BNIP2: variants seen among roughly 807,000 people sequenced by gnomAD.
BNIP2 encodes the protein BCL2/adenovirus E1B 19 kDa protein-interacting protein 2.
Under a neutral mutation model 43.4 loss-of-function variants are expected in BNIP2, and 36 were observed. That is an observed-to-expected ratio of 0.83 (90% CI 0.64 to 1.10). The LOEUF (loss-of-function observed/expected upper bound fraction) is 1.10. BNIP2 is among the 50% of genes least tolerant of loss of function. The pLI is 0.00. For synonymous variants in BNIP2, 146 were observed against 121.0 expected (o/e 1.21, Z -1.35); for missense variants, 417 against 374.1 (o/e 1.11, Z -0.95).
At chr15:59,688,893 C>G in intron 1 of BNIP2, 1 of 1,475,830 alleles carries the variant, frequency 6.8e-7, no homozygotes, top group Non-Finnish European at 8.9e-7. Context: ...GGAAAAGCGA[C>G]GGGGTGGGGG....
chr15:59,677,514 C>T (rs1375944121), intron 5 of BNIP2, among the ~76,000 whole-genome samples: 1 of 152,158 alleles, frequency 6.6e-6, no homozygotes, highest in African/African-American at 2.4e-5. Context: ...ATAGTGTTTT[C>T]CTTGTAAGGT....
chr15:59,676,679 T>C (rs1893311662), intron 5 of BNIP2: 2 of 617,238 alleles, frequency 3.2e-6, no homozygotes, highest in Non-Finnish European at 2.8e-6. Context: ...AGAATTCTGA[T>C]ATTGCATGAA....
chr15:59,674,662 A>G (rs1411470761), intron 5 of BNIP2, among the ~76,000 whole-genome samples: 1 of 152,168 alleles, frequency 6.6e-6, no homozygotes, highest in African/African-American at 2.4e-5. Context: ...CTGAAAAAAA[A>G]TCAATCTGCT....
chr15:59,675,719 T>C (rs551157390), intron 5 of BNIP2, among the ~76,000 whole-genome samples: 48 of 152,240 alleles, frequency 3.2e-4, no homozygotes, highest in Non-Finnish European at 5.6e-4. Context: ...ACAACTCACA[T>C]GCACATAAAA....
Position 59,679,665 on chromosome 15 carries a change from C to T in BNIP2, c.222G>A (p.Leu74=), listed in dbSNP as rs771066758. 3 of 1,613,054 alleles carry T rather than the reference C, an allele frequency of 1.9e-6. No individual in the cohort carries two copies. Among genetic ancestry groups the T allele is most frequent in the Middle Eastern group, 1.7e-4 (1 of 6,058 alleles). Residue 74 remains leucine, a synonymous_variant, in exon 4 of 10, where the codon TTG becomes TTA. Coordinates refer to ENST00000607373, the MANE Select transcript of BNIP2 (RefSeq NM_004330.4). Reference sequence around the variant, plus strand: ...CTAAGTCAATCTCCCCACTTTCATCCAAATCATCTGACAATACAGAGCCAT... The same window carrying T: ...CTAAGTCAATCTCCCCACTTTCATCTAAATCATCTGACAATACAGAGCCAT... The part of the protein sequence containing the change: ...PSDGSVLSDD[L]DESGEIDLDG...
chr15:59,679,050 A>G (rs1893487010), intron 4 of BNIP2, among the ~76,000 whole-genome samples: 1 of 152,238 alleles, frequency 6.6e-6, no homozygotes, highest in South Asian at 2.1e-4. Context: ...GATGGAAAAA[A>G]ATATGTAAAA....
rs1347556504 is a variant in BNIP2, at chr15:59,688,918, T to C, written c.-58+217A>G. Reference sequence around the variant, plus strand: ...CGGGGTGGGGGGCCAAACTGCCAAATACAAACAGGACCCAAGCCAAGGGCG... The same window carrying C: ...CGGGGTGGGGGGCCAAACTGCCAAACACAAACAGGACCCAAGCCAAGGGCG... On this transcript the variant is annotated intron_variant, in intron 1 of 9. Coordinates refer to ENST00000607373, the MANE Select transcript of BNIP2 (RefSeq NM_004330.4). 4.1e-6 allele frequency: 6 copies of C among 1,461,920 alleles called. No homozygotes were observed. The Admixed American group carries it at 7.8e-5, about 19-fold the overall frequency. 90.6% of individuals were successfully genotyped at this position (1,461,920 alleles called of 1,614,324 possible). A position where few individuals can be genotyped will look rare whatever the true frequency, so the allele number is the denominator to read the frequency against.
At chr15:59,674,282 T>G (rs1453406343) in intron 5 of BNIP2, among the ~76,000 whole-genome samples, 6 of 151,748 alleles carry the variant, frequency 4.0e-5, no homozygotes, top group African/African-American at 1.5e-4. Flanking sequence ...ATGAAAAGAT[T>G]TGAACATTTC....
intron 5 of BNIP2, among the ~76,000 whole-genome samples, chr15:59,675,560 T>C (rs1306607434): frequency 6.6e-6 from 1 of 151,710 alleles, no homozygotes; most frequent in Non-Finnish European, 1.5e-5. Flanking sequence ...CAGTGAGCTG[T>C]CACGCCACTG....
chr15:59,677,840 G>A, intron 5 of BNIP2, 71 bp downstream of exon 5: 1 of 1,511,562 alleles, frequency 6.6e-7, no homozygotes, highest in Non-Finnish European at 8.9e-7. Context: ...TTAATAAACA[G>A]ATATCCTTCC....
chr15:59,679,097 T>C (rs1459775712), intron 4 of BNIP2, among the ~76,000 whole-genome samples: 8 of 152,182 alleles, frequency 5.3e-5, no homozygotes, highest in African/African-American at 1.9e-4. Context: ...GTAGACAATT[T>C]TGTAATTAAA....
Position 59,669,371 on chromosome 15 carries a change from T to TA in BNIP2, c.708-10dup, listed in dbSNP as rs143193624. The TA allele has an allele frequency of 4.1e-3, 5,596 of 1,373,372 alleles. 2 individuals are homozygous for TA. Among genetic ancestry groups the TA allele is most frequent in the African/African-American group, 0.011 (711 of 66,354 alleles). The allele number at this position is 1,373,372 out of a possible 1,614,324, so 85.1% of individuals were successfully genotyped here. On this transcript the variant is annotated splice_polypyrimidine_tract_variant and intron_variant, in intron 7 of 9. Transcript: ENST00000607373. Reference sequence around the variant, plus strand: ...TTAGATTTTTCCGTAACCTGGAGTTTAAAAAAAAAACACACACACACAAAG... The same window carrying TA: ...TTAGATTTTTCCGTAACCTGGAGTTTAAAAAAAAAAACACACACACACAAAG...
intron 2 of BNIP2, among the ~76,000 whole-genome samples, chr15:59,682,133 C>T (rs1054400081): frequency 2.6e-5 from 4 of 152,022 alleles, no homozygotes; most frequent in Admixed American, 2.6e-4. Flanking sequence ...TTGAGACCAG[C>T]CTGGCCAATA....
intron 8 of BNIP2, 134 bp downstream of exon 8, chr15:59,669,142 T>A: frequency 1.9e-6 from 2 of 1,038,148 alleles, no homozygotes; most frequent in East Asian, 5.2e-5. Context: ...ATCACCCAGG[T>A]TTGATCATTA....
intron 1 of BNIP2, among the ~76,000 whole-genome samples, chr15:59,687,215 C>G (rs766700755): frequency 6.6e-6 from 1 of 152,108 alleles, no homozygotes; most frequent in Non-Finnish European, 1.5e-5. Flanking sequence ...ACTGATGTCT[C>G]AGTTTGTTGT....
In BNIP2 at chr15:59,688,795, T is replaced by C. The variant is rs765118278; in HGVS notation, c.-58+340A>G. 10 of 1,535,444 alleles carry C rather than the reference T, an allele frequency of 6.5e-6. No individual in the cohort carries two copies. The South Asian group carries it at 7.1e-5, about 11-fold the overall frequency. ...GCTGGTCATAAATACTGAACCATCG[T>C]AGCCCAGCCACTTCACCCACACCAG... On this transcript the variant is annotated intron_variant, in intron 1 of 9. Transcript: ENST00000607373.
chr15:59,674,107 C>A (rs71480542), intron 5 of BNIP2, among the ~76,000 whole-genome samples: 39,293 of 134,538 alleles, frequency 0.29, 6,698 homozygotes, highest in East Asian at 0.53. Flanking sequence ...AAAACAAAAA[C>A]AAAAACAAAA....
chr15:59,683,949 C>A (rs1893858299), intron 1 of BNIP2, among the ~76,000 whole-genome samples: 2 of 152,182 alleles, frequency 1.3e-5, no homozygotes, highest in Admixed American at 1.3e-4. Flanking sequence ...ATTATGTCAG[C>A]CATTCACATC....
rs181963297 is a variant in BNIP2, at chr15:59,671,744, G to A, written c.576-430C>T. 1.2e-4 allele frequency among the ~76,000 whole-genome samples: 19 copies of A among 152,308 alleles called. 1 individual carries two copies. The highest frequency in any genetic ancestry group is 1.1e-3 in the Admixed American group (17 of 15,292). ...TTGGCTCAATTATATTGGCCTTCTA[G>A]GGGTAAATGTAATTTAGCCACATGA... is the stretch of plus-strand genomic sequence containing the variant. On this transcript the variant is annotated intron_variant, in intron 6 of 9. Transcript: ENST00000607373.
Sources: allele counts gnomAD v4.1 joint callset (sites outside exome capture counted in the v4.1 genomes callset), GRCh38; gene constraint gnomAD v4.1.1; transcripts MANE v1.5; gene names NCBI Gene and HGNC (gene_info 2026-07-23, HGNC 2026-07-21).